Variants in PIEZO2 observed in about 807,000 individuals in gnomAD.
PIEZO2 encodes the protein piezo-type mechanosensitive ion channel component 2.
PIEZO2 carries 172 observed loss-of-function variants against 337.3 expected under a neutral mutation model. The observed-to-expected ratio is 0.51, with a 90% CI of 0.45 to 0.58. The LOEUF (loss-of-function observed/expected upper bound fraction) is 0.58, where lower values mean the gene tolerates loss of function less well. Ranked by LOEUF, PIEZO2 falls within the 20% of genes least tolerant of loss-of-function variation. PIEZO2 has a pLI of 0.00. For missense variants in PIEZO2, 3,028 were observed against 3,391.3 expected, an observed-to-expected ratio of 0.89 and a Z score of 2.66; for synonymous variants, 1,251 against 1,228.5, an observed-to-expected ratio of 1.02 and a Z score of -0.38.
rs1158320881 is a variant in PIEZO2 at position 10,670,589 on chromosome 18, T to C, written c.*938A>G. On this transcript the variant is annotated 3_prime_UTR_variant, in exon 56 of 56. Transcript: ENST00000674853. ...TATACCTGAAAAACAGGAAGGAAAA[T>C]GTCACATACTGGAAAAACCATTGCC... 6.6e-6 allele frequency: 1 copy of C among 152,120 alleles called. No homozygotes were observed. The highest frequency in any genetic ancestry group is 6.5e-5 in the Admixed American group (1 of 15,268). 9.4% of individuals were successfully genotyped at this position (152,120 alleles called of 1,614,324 possible). A position where few individuals can be genotyped will look rare whatever the true frequency, so the allele number is the denominator to read the frequency against.
chr18:10,869,157 T>A (rs114718743), intron 5 of PIEZO2, among the ~76,000 whole-genome samples: 1 of 152,198 alleles, frequency 6.6e-6, no homozygotes, highest in African/African-American at 2.4e-5. Flanking sequence ...ATTAGAAATT[T>A]TATTTAGCAT....
chr18:10,754,650 C>A (rs750598846), intron 27 of PIEZO2, among the ~76,000 whole-genome samples: 3 of 152,140 alleles, frequency 2.0e-5, no homozygotes, highest in Non-Finnish European at 4.4e-5. Context: ...TTCTTAGCAT[C>A]CCAGAGAAGA....
In PIEZO2 at chr18:11,101,446, C is replaced by A. The variant is rs1461085315; in HGVS notation, c.65-35224G>T. Among the ~76,000 whole-genome samples, 1 of 152,208 alleles carries A rather than the reference C, an allele frequency of 6.6e-6. No individual in the cohort carries two copies. Among genetic ancestry groups the A allele is most frequent in the African/African-American group, 2.4e-5 (1 of 41,464 alleles). Reference sequence around the variant, plus strand: ...AACCTCTGTTTTCAGCAAATTCTTTCATTCATGTACCATTTTATACAAGAG... The same window carrying A: ...AACCTCTGTTTTCAGCAAATTCTTTAATTCATGTACCATTTTATACAAGAG... On this transcript the variant is annotated intron_variant, in intron 1 of 55. Coordinates refer to ENST00000674853, the MANE Select transcript of PIEZO2 (RefSeq NM_001378183.1). The surrounding 1 kb of genome is among the most constrained non-coding windows in gnomAD (Gnocchi z 4.4).
intron 33 of PIEZO2, among the ~76,000 whole-genome samples, chr18:10,737,308 C>G (rs575611812): frequency 7.4e-6 from 1 of 134,880 alleles, no homozygotes; most frequent in Non-Finnish European, 1.5e-5. Flanking sequence ...CAAAAAAACA[C>G]GCACACACTG....
intron 2 of PIEZO2, among the ~76,000 whole-genome samples, chr18:11,018,382 C>CGCGTGT (rs2036196651): frequency 8.8e-6 from 1 of 114,138 alleles, no homozygotes; most frequent in Admixed American, 8.9e-5. Flanking sequence ...CCCAACATGT[C>CGCGTGT]GTGTGTGTGT....
intron 36 of PIEZO2, among the ~76,000 whole-genome samples, chr18:10,720,234 G>GTGTGTGTGTATATATATATA (rs1225106343): frequency 3.3e-5 from 4 of 119,920 alleles, no homozygotes; most frequent in East Asian, 2.8e-4. Context: ...GTGTGTGTGT[G>GTGTGTGTGTATATATATATA]TATATATATA....
Position 10,980,593 on chromosome 18 carries a change from T to C in PIEZO2, c.161-933A>G, listed in dbSNP as rs999398483. 1.2e-4 allele frequency among the ~76,000 whole-genome samples: 18 copies of C among 152,318 alleles called. No homozygotes were observed. The highest frequency in any genetic ancestry group is 4.1e-4 in the African/African-American group (17 of 41,572). ...CAGATAATATGATCAAATGGAATTATTTTCAGATTATATATCATCATCAAC... is the reference window on the plus strand; with the variant it reads ...CAGATAATATGATCAAATGGAATTACTTTCAGATTATATATCATCATCAAC... On this transcript the variant is annotated intron_variant, in intron 2 of 55. Coordinates refer to ENST00000674853, the MANE Select transcript of PIEZO2 (RefSeq NM_001378183.1). The surrounding 1 kb of genome is among the most constrained non-coding windows in gnomAD (Gnocchi z 4.8).
chr18:10,691,243 T>C lies in PIEZO2; in HGVS notation c.7331A>G (p.Asn2444Ser). ...GTCCTACCCTTGGAATAAGAAGAGG[T>C]TGACGTAATTGTAGCTCTTGGTGAG... The part of the protein sequence containing the change: ...NFLTKSYNYV[N>S]LFLFQGFRLV... Residue 2444 changes from asparagine (N) to serine (S), a missense_variant, in exon 48 of 56, where the codon AAC becomes AGC. Coordinates refer to ENST00000674853, the MANE Select transcript of PIEZO2 (RefSeq NM_001378183.1). 1 of 1,613,810 alleles carries C rather than the reference T, an allele frequency of 6.2e-7. No individual in the cohort carries two copies. The highest frequency in any genetic ancestry group is 8.5e-7 in the Non-Finnish European group (1 of 1,179,924).
chr18:10,717,444 A>T (rs1598394228), intron 37 of PIEZO2, among the ~76,000 whole-genome samples: 1 of 142,250 alleles, frequency 7.0e-6, no homozygotes. Flanking sequence ...AAAGAGCCTG[A>T]CGCCTGGCCT....
intron 7 of PIEZO2, among the ~76,000 whole-genome samples, chr18:10,827,719 T>G (rs2144513412): frequency 6.6e-6 from 1 of 152,276 alleles, no homozygotes; most frequent in South Asian, 2.1e-4. Flanking sequence ...AACTACAGAT[T>G]TTGCAGCAGT....
chr18:10,950,087 AAG>A (rs1479240569), intron 3 of PIEZO2, among the ~76,000 whole-genome samples: 1 of 152,194 alleles, frequency 6.6e-6, no homozygotes, highest in Non-Finnish European at 1.5e-5. Context: ...TACATTTGGT[AAG>A]AGTTTCTAAA....
Position 10,856,999 on chromosome 18 carries a change from A to T in PIEZO2, c.703+2T>A. The T allele has an allele frequency of 6.5e-7, 1 of 1,537,122 alleles. No homozygotes were observed. Among genetic ancestry groups the T allele is most frequent in the East Asian group, 2.4e-5 (1 of 40,916 alleles). On this transcript the variant is annotated splice_donor_variant, in intron 6 of 55. Coordinates refer to ENST00000674853, the MANE Select transcript of PIEZO2 (RefSeq NM_001378183.1). LOFTEE classifies it high-confidence loss of function. This position sits in a 1 kb window ranked among gnomAD's most constrained non-coding sequence, Gnocchi z 4.7. ...CGTGCAGCCAGTGTGGGAGACACTCACCCGAGGAGCCCAGTAAGATGGTAA... is the reference window on the plus strand; with the variant it reads ...CGTGCAGCCAGTGTGGGAGACACTCTCCCGAGGAGCCCAGTAAGATGGTAA...
At position 10,858,302 on chromosome 18, in the gene PIEZO2, A is replaced by G. The variant is rs193256667; in HGVS notation, c.493-1091T>C. Among the ~76,000 whole-genome samples, 1,128 of 136,508 alleles carry G rather than the reference A, an allele frequency of 8.3e-3. 38 individuals carry two copies. The highest frequency in any genetic ancestry group is 0.068 in the Admixed American group (853 of 12,632). The allele number at this position is 136,508 out of a possible 152,430, so 89.6% of individuals were successfully genotyped here. A position where few individuals can be genotyped will look rare whatever the true frequency, so the allele number is the denominator to read the frequency against. On this transcript the variant is annotated intron_variant, in intron 5 of 55. Transcript: ENST00000674853. ...TGTGCCACTGCACTCCAGCCTGGCG[A>G]CAGAGCGAGACTTCAACCCAAAAAA... is the stretch of plus-strand genomic sequence containing the variant.
chr18:11,061,394 A>G (rs1343020561), intron 2 of PIEZO2, among the ~76,000 whole-genome samples: 1 of 150,734 alleles, frequency 6.6e-6, no homozygotes, highest in Non-Finnish European at 1.5e-5. Flanking sequence ...TAGTGTTGGA[A>G]GTTCTGGCCA....
chr18:11,100,058 A>G (rs772937491), intron 1 of PIEZO2, among the ~76,000 whole-genome samples: 16 of 152,210 alleles, frequency 1.1e-4, no homozygotes, highest in Non-Finnish European at 1.9e-4. Context: ...TTTAAAATGC[A>G]TCAACATAAT....
rs772410674 is a variant in PIEZO2 at position 10,689,662 on chromosome 18, G to A, written c.7490C>T (p.Ser2497Leu). Residue 2497 changes from serine to leucine, a missense_variant, in exon 49 of 56, where the codon TCG becomes TTG. Around this residue, in one of 5 missense-constraint regions of PIEZO2, gnomAD observed 179 missense variants for 281.8 expected, o/e 0.64. Coordinates refer to ENST00000674853, the MANE Select transcript of PIEZO2 (RefSeq NM_001378183.1). ...HIFILKCWRE[S>L]EKRYPQPRGQ... ...CATCTCCTGGCTTCTTACCTTCTCC[G>A]ACTCCCGCCAACACTTCAGGATGAA... is the stretch of plus-strand genomic sequence containing the variant. 39 of 1,614,008 alleles carry A rather than the reference G, an allele frequency of 2.4e-5. No individual in the cohort carries two copies. The highest frequency in any genetic ancestry group is 4.0e-5 in the African/African-American group (3 of 74,912).
intron 2 of PIEZO2, among the ~76,000 whole-genome samples, chr18:11,019,450 TG>T (rs1449089689): frequency 6.6e-6 from 1 of 152,228 alleles, no homozygotes; most frequent in Non-Finnish European, 1.5e-5. Flanking sequence ...TCCTCTCATC[TG>T]GGAGCTTTTG....
intron 7 of PIEZO2, among the ~76,000 whole-genome samples, chr18:10,822,584 C>A (rs2040549898): frequency 6.6e-6 from 1 of 152,156 alleles, no homozygotes; most frequent in African/African-American, 2.4e-5. Flanking sequence ...TGGAGGGAAC[C>A]AGGCCAGTGT....
rs2035226362 is a variant in PIEZO2 at position 10,699,124 on chromosome 18, C to T, written c.6495G>A (p.Glu2165=). The T allele has an allele frequency of 3.9e-6, 6 of 1,537,138 alleles. No individual in the cohort carries two copies. Among genetic ancestry groups the T allele is most frequent in the Middle Eastern group, 1.7e-4 (1 of 6,010 alleles). The stretch of plus-strand genomic sequence containing the variant: ...CGAGGGAGAGCTCATCATCTGATTC[C>T]TCCCTGGCCATGCCACTTTCAGTCA... The part of the protein sequence containing the change: ...DDMTESGMAR[E]ESDDELSLGH... Residue 2165 remains glutamate, a synonymous_variant, in exon 44 of 56, where the codon GAG becomes GAA. Transcript: ENST00000674853.
Sources: allele counts gnomAD v4.1 joint callset (sites outside exome capture counted in the v4.1 genomes callset), GRCh38; gene constraint gnomAD v4.1.1; regional missense constraint gnomAD v4.1.1; non-coding constraint Gnocchi (gnomAD v3.1); transcripts MANE v1.5; gene names NCBI Gene and HGNC (gene_info 2026-07-23, HGNC 2026-07-21).